DENND2C: variants seen among roughly 807,000 people sequenced by gnomAD.
DENND2C encodes DENN domain containing 2C, also known as DENN domain-containing protein 2C.
DENND2C carries 72 observed loss-of-function variants against 112.4 expected under a neutral mutation model. That is an observed-to-expected ratio of 0.64 (90% CI 0.53 to 0.78). The LOEUF (loss-of-function observed/expected upper bound fraction) is 0.78, where lower values mean the gene tolerates loss of function less well. DENND2C is among the 30% of genes least tolerant of loss of function. DENND2C has a pLI of 0.00. For synonymous variants in DENND2C, 329 were observed against 381.6 expected, an observed-to-expected ratio of 0.86 and a Z score of 1.61; for missense variants, 992 against 1,113.8, an observed-to-expected ratio of 0.89 and a Z score of 1.56.
At position 114,623,037 on chromosome 1, in the gene DENND2C, G is replaced by T. The variant is rs755023480; in HGVS notation, c.1006C>A (p.Pro336Thr). The T allele has an allele frequency of 6.2e-7, 1 of 1,613,300 alleles. No individual in the cohort carries two copies. Among genetic ancestry groups the T allele is most frequent in the South Asian group, 1.1e-5 (1 of 90,992 alleles). The stretch of plus-strand genomic sequence containing the variant: ...GCGGGTGGTAGCTTCCATGCTGAAG[G>T]GGATCTCCACATAGGTAAAGGCTGC... ...PVQPLPMWRS[P>T]SAWKLPPAKS... The change falls in exon 6 of 21, where the codon CCT (proline) becomes ACT (threonine). Residue 336 changes from proline to threonine, a missense_variant. Physicochemically the swap from Pro to Thr is conservative, Grantham distance 38. Coordinates refer to ENST00000393274, the MANE Select transcript of DENND2C (RefSeq NM_001256404.2).
intron 8 of DENND2C, among the ~76,000 whole-genome samples, chr1:114,616,058 G>A (rs2101659093): frequency 6.6e-6 from 1 of 152,210 alleles, no homozygotes; most frequent in Admixed American, 6.5e-5. Context: ...CTGGGTGACA[G>A]AGCAAGACTG....
At chr1:114,658,808 C>T (rs1368360870) in intron 1 of DENND2C, among the ~76,000 whole-genome samples, 1 of 127,048 alleles carries the variant, frequency 7.9e-6, no homozygotes, top group Admixed American at 7.8e-5. Flanking sequence ...ATAACTTAGG[C>T]AGAGGAGGAT....
rs1344672368 is a variant in DENND2C, at chr1:114,584,184, T to A, written c.*1416A>T. The A allele has an allele frequency of 1.3e-5, 2 of 152,206 alleles. No individual in the cohort carries two copies. The highest frequency in any genetic ancestry group is 2.9e-5 in the Non-Finnish European group (2 of 68,028). 9.4% of individuals were successfully genotyped at this position (152,206 alleles called of 1,614,324 possible). ...GTAGGACTAACCAACTTTTTCTGTG[T>A]CCATAAAAGTCTTGGCTTCAGTTCT... On this transcript the variant is annotated 3_prime_UTR_variant, in exon 21 of 21. Coordinates refer to ENST00000393274, the MANE Select transcript of DENND2C (RefSeq NM_001256404.2).
chr1:114,597,776 C>T (rs546541189), intron 16 of DENND2C, among the ~76,000 whole-genome samples: 1 of 152,150 alleles, frequency 6.6e-6, no homozygotes, highest in Admixed American at 6.5e-5. Context: ...GATTGAGACT[C>T]CATCTCAAAA....
chr1:114,617,802 A>G (rs1353364880), intron 8 of DENND2C, among the ~76,000 whole-genome samples: 1 of 152,154 alleles, frequency 6.6e-6, no homozygotes, highest in Admixed American at 6.6e-5. Context: ...ATGATTATAA[A>G]TCAAAGTAAT....
At position 114,663,951 on chromosome 1, in the gene DENND2C, CT is replaced by C. The variant is rs538184910; in HGVS notation, c.-574+6031del. 5.8e-3 allele frequency among the ~76,000 whole-genome samples: 765 copies of C among 130,970 alleles called. 4 individuals are homozygous for C. The highest frequency in any genetic ancestry group is 0.031 in the Admixed American group (404 of 12,848). The allele number at this position is 130,970 out of a possible 152,430, so 85.9% of individuals were successfully genotyped here. ...TGCCTTAGAAGACCATACTGCTATT[CT>C]TTTTTTTTTTTTTTTTTGTCTTGTC... On this transcript the variant is annotated intron_variant, in intron 1 of 20. Transcript: ENST00000393274.
intron 10 of DENND2C, among the ~76,000 whole-genome samples, chr1:114,606,051 A>G (rs1655649828): frequency 6.6e-6 from 1 of 152,174 alleles, no homozygotes; most frequent in Non-Finnish European, 1.5e-5. Context: ...CCTTCAGATA[A>G]CTAATAACAA....
chr1:114,635,040 A>G (rs1044048526), intron 3 of DENND2C, among the ~76,000 whole-genome samples: 9 of 150,008 alleles, frequency 6.0e-5, no homozygotes, highest in African/African-American at 1.9e-4. Flanking sequence ...AAAAAAAAAA[A>G]AAAAGAAAAA....
intron 18 of DENND2C, among the ~76,000 whole-genome samples, chr1:114,590,661 C>T (rs1655160054): frequency 6.6e-6 from 1 of 151,622 alleles, no homozygotes; most frequent in Non-Finnish European, 1.5e-5. Context: ...GCCTGTAATC[C>T]CAGCTATGCG....
At chr1:114,638,635 C>T (rs1043513335) in intron 3 of DENND2C, among the ~76,000 whole-genome samples, 7 of 151,082 alleles carry the variant, frequency 4.6e-5, no homozygotes, top group Admixed American at 3.3e-4. Context: ...TGGCGTTGTG[C>T]GTCTGTAATC....
chr1:114,599,336 G>T lies in DENND2C; in HGVS notation c.2221C>A (p.Pro741Thr), dbSNP rs1557940279. ...SMIDIVCSPT[P>T]FLIGILSCSL... ...CAAGACAGGATTCCAATAAGGAATG[G>T]TGTAGGTGAGCACACGATGTCAATC... is the stretch of plus-strand genomic sequence containing the variant. The change falls in exon 16 of 21, where the codon CCA becomes ACA. Residue 741 changes from proline to threonine, a missense_variant. This residue lies in a region of DENND2C where 516 missense variants were observed against 623.6 expected (regional missense o/e 0.83). Coordinates refer to ENST00000393274, the MANE Select transcript of DENND2C (RefSeq NM_001256404.2). The T allele has an allele frequency of 6.2e-7, 1 of 1,613,994 alleles. No individual in the cohort carries two copies. The highest frequency in any genetic ancestry group is 8.5e-7 in the Non-Finnish European group (1 of 1,179,996).
chr1:114,623,761 A>ACTG, intron 4 of DENND2C, 118 bp from the exon 5 acceptor site: 2 of 945,984 alleles, frequency 2.1e-6, no homozygotes, highest in Non-Finnish European at 2.9e-6. Context: ...TTTGAGACAG[A>ACTG]ATCTCAGTCT....
intron 7 of DENND2C, among the ~76,000 whole-genome samples, chr1:114,619,219 G>A (rs942459848): frequency 6.6e-6 from 1 of 152,130 alleles, no homozygotes; most frequent in African/African-American, 2.4e-5. Flanking sequence ...CACACAGAAT[G>A]CGGTAAAAAA....
At chr1:114,589,256 CCAGGGATCCACA>C (rs1359300964) in intron 18 of DENND2C, among the ~76,000 whole-genome samples, 3 of 151,224 alleles carry the variant, frequency 2.0e-5, no homozygotes, top group Admixed American at 2.0e-4. Flanking sequence ...TGCTCTTTTC[CCAGGGATCCACA>C]CAGGATGGGA....
chr1:114,601,550 G>A lies in DENND2C; in HGVS notation c.1773C>T (p.Tyr591=). The change falls in exon 13 of 21, where the codon TAC becomes TAT. Residue 591 remains tyrosine (Y), a synonymous_variant. Coordinates refer to ENST00000393274, the MANE Select transcript of DENND2C (RefSeq NM_001256404.2). The part of the protein sequence containing the change: ...VGKGKRLPEV[Y]CMVSRLGCFN... ...AGCAGCCTAGGCGACTAACCATGCA[G>A]TATACCTCAGGGAGTCGCTTTCCTT... 1.9e-6 allele frequency: 3 copies of A among 1,613,518 alleles called. No homozygotes were observed. Among genetic ancestry groups the A allele is most frequent in the South Asian group, 1.1e-5 (1 of 90,958 alleles).
Position 114,600,976 on chromosome 1 carries a change from G to A in DENND2C, c.1816-16C>T. 6.2e-7 allele frequency: 1 copy of A among 1,605,394 alleles called. No individual in the cohort carries two copies. Among genetic ancestry groups the A allele is most frequent in the Non-Finnish European group, 8.5e-7 (1 of 1,175,744 alleles). On this transcript the variant is annotated splice_polypyrimidine_tract_variant and intron_variant, in intron 13 of 20. Coordinates refer to ENST00000393274, the MANE Select transcript of DENND2C (RefSeq NM_001256404.2). Reference sequence around the variant, plus strand: ...CATCCAGAATCTATATACGCAAAGTGTTATTTTATTATGGACTAAGTTAAA... The same window carrying A: ...CATCCAGAATCTATATACGCAAAGTATTATTTTATTATGGACTAAGTTAAA...
In DENND2C at chr1:114,621,958, TA is replaced by T; in HGVS notation, c.1163del (p.Leu388Ter). The T allele has an allele frequency of 1.3e-6, 2 of 1,550,784 alleles. No individual in the cohort carries two copies. Among genetic ancestry groups the T allele is most frequent in the East Asian group, 4.9e-5 (2 of 40,928 alleles). On this transcript the variant is annotated frameshift_variant, in exon 7 of 21. Coordinates refer to ENST00000393274, the MANE Select transcript of DENND2C (RefSeq NM_001256404.2). LOFTEE classifies it high-confidence loss of function. ...LTKDTTLPVT[L>X]TEWKLFRAGE... is the part of the protein sequence containing the mutation. Reference sequence around the variant, plus strand: ...CAGCTCGGAAAAGCTTCCATTCCGTTAAAGTGACCGGCAAAGTTGTATCTTT... The same window carrying T: ...CAGCTCGGAAAAGCTTCCATTCCGTTAAGTGACCGGCAAAGTTGTATCTTT...
chr1:114,620,049 G>A (rs1483637346), intron 7 of DENND2C, among the ~76,000 whole-genome samples: 1 of 152,162 alleles, frequency 6.6e-6, no homozygotes, highest in African/African-American at 2.4e-5. Flanking sequence ...AAGGAAGAGT[G>A]GGGAAGAGGC....
At chr1:114,651,568 A>C (rs972525792) in intron 2 of DENND2C, among the ~76,000 whole-genome samples, 1 of 151,936 alleles carries the variant, frequency 6.6e-6, no homozygotes, top group Non-Finnish European at 1.5e-5. Context: ...GTGAAACCCC[A>C]TCTCTACTAA....
Sources: gnomAD v4.1 joint callset for allele counts (sites outside exome capture counted in the v4.1 genomes callset) on GRCh38, gnomAD v4.1.1 for gene constraint, gnomAD v4.1.1 regional missense constraint, MANE v1.5 for transcripts, NCBI Gene and HGNC (gene_info 2026-07-23, HGNC 2026-07-21) for gene names.